Variants in SGTA observed in about 807,000 individuals in gnomAD.
The protein encoded by SGTA is small glutamine-rich tetratricopeptide repeat-containing protein alpha.
SGTA carries 22 observed loss-of-function variants against 44.3 expected under a neutral mutation model. The observed-to-expected ratio is 0.50, with a 90% CI of 0.36 to 0.71. The LOEUF (loss-of-function observed/expected upper bound fraction) is 0.71. Ranked by LOEUF, SGTA falls within the 30% of genes least tolerant of loss-of-function variation. The pLI, the probability that SGTA is intolerant of heterozygous loss-of-function variation, is 0.00. For missense variants in SGTA, 341 were observed against 435.9 expected, an observed-to-expected ratio of 0.78 and a Z score of 1.94; for synonymous variants, 174 against 177.6, an observed-to-expected ratio of 0.98 and a Z score of 0.16.
intron 1 of SGTA, among the ~76,000 whole-genome samples, chr19:2,774,463 T>G (rs1176886380): frequency 6.6e-6 from 1 of 152,002 alleles, no homozygotes. Context: ...AAACGACACT[T>G]CCTATCACGT....
rs939414754 is a variant in SGTA, at chr19:2,761,857, G to A, written c.637-335C>T. Among the ~76,000 whole-genome samples the A allele has an allele frequency of 1.4e-5, 2 of 147,400 alleles. No homozygotes were observed. The highest frequency in any genetic ancestry group is 4.0e-4 in the East Asian group (2 of 4,970). ...CCGCACAGCGCGACCGCCCGGGGAC[G>A]GCACAGTCTATCATCCCGTGTTTAT... On this transcript the variant is annotated intron_variant, in intron 7 of 11. Transcript: ENST00000221566. The surrounding 1 kb of genome is among the most constrained non-coding windows in gnomAD (Gnocchi z 5.7).
chr19:2,781,932 C>T (rs1010096096), intron 1 of SGTA, among the ~76,000 whole-genome samples: 3 of 151,500 alleles, frequency 2.0e-5, no homozygotes, highest in Non-Finnish European at 2.9e-5. Flanking sequence ...ACCTCTGCCT[C>T]CTGGGTTCAA....
Position 2,763,665 on chromosome 19 carries a change from T to C in SGTA, c.485A>G (p.Tyr162Cys). The change falls in exon 6 of 12, where the codon TAC becomes TGC. Residue 162 changes from tyrosine (Y) to cysteine (C), a missense_variant. Transcript: ENST00000221566. The surrounding 1 kb of genome is among the most constrained non-coding windows in gnomAD (Gnocchi z 5.8). The part of the protein sequence containing the change: ...ICIDPAYSKA[Y>C]GRMGLALSSL... ...GACAGGCACTCACCCCATCCTGCCG[T>C]AGGCCTTGCTGTAGGCCGGGTCAAT... is the stretch of plus-strand genomic sequence containing the variant. The C allele has an allele frequency of 6.2e-7, 1 of 1,612,744 alleles. No individual in the cohort carries two copies. The highest frequency in any genetic ancestry group is 8.5e-7 in the Non-Finnish European group (1 of 1,179,242).
chr19:2,755,728 C>T lies in SGTA; in HGVS notation c.*212G>A. 8.1e-6 allele frequency: 8 copies of T among 985,334 alleles called. No homozygotes were observed. Among genetic ancestry groups the T allele is most frequent in the Non-Finnish European group, 8.4e-6 (7 of 829,956 alleles). 61.0% of individuals were successfully genotyped at this position (985,334 alleles called of 1,614,324 possible). Reference sequence around the variant, plus strand: ...GGTCTGTGCTCAGCTTGCTGGCTCTCGTTTCAAGAAGGGTCTGGGGGCTGT... The same window carrying T: ...GGTCTGTGCTCAGCTTGCTGGCTCTTGTTTCAAGAAGGGTCTGGGGGCTGT... On this transcript the variant is annotated 3_prime_UTR_variant, in exon 12 of 12. Transcript: ENST00000221566. The surrounding 1 kb of genome is among the most constrained non-coding windows in gnomAD (Gnocchi z 5.2).
chr19:2,769,696 C>T (rs1419238998), intron 1 of SGTA, among the ~76,000 whole-genome samples: 1 of 152,124 alleles, frequency 6.6e-6, no homozygotes, highest in Non-Finnish European at 1.5e-5. Context: ...CTTGGGGACC[C>T]GTCTTGTTCC....
chr19:2,762,709 C>T, intron 6 of SGTA, 65 bp from the exon 7 acceptor site: 1 of 1,593,690 alleles, frequency 6.3e-7, no homozygotes, highest in East Asian at 2.2e-5. Flanking sequence ...CCGCCAAAGC[C>T]CTCGTCCCCG....
intron 5 of SGTA, among the ~76,000 whole-genome samples, chr19:2,764,139 C>T (rs574939732): frequency 6.6e-6 from 1 of 152,336 alleles, no homozygotes; most frequent in African/African-American, 2.4e-5. Flanking sequence ...TGGCTTACAG[C>T]GTCTGAATCG....
At chr19:2,768,188 G>C (rs1281462937) in intron 2 of SGTA, among the ~76,000 whole-genome samples, 1 of 152,124 alleles carries the variant, frequency 6.6e-6, no homozygotes, top group African/African-American at 2.4e-5. Context: ...TCTCTCTGCT[G>C]GCCCACCTGA....
Position 2,765,154 on chromosome 19 carries a change from GC to G in SGTA, c.392+31del. ...CCGGAGGACGCCCCCGCACCCGGCC[GC>G]CCCTGCCCTGGGCAGGCCCTGAGCT... On this transcript the variant is annotated intron_variant, in intron 5 of 11. Transcript: ENST00000221566. The surrounding 1 kb of genome is among the most constrained non-coding windows in gnomAD (Gnocchi z 5.5). 1 of 1,552,638 alleles carries G rather than the reference GC, an allele frequency of 6.4e-7. No homozygotes were observed.
chr19:2,771,864 C>A (rs1436110953), intron 1 of SGTA, among the ~76,000 whole-genome samples: 1 of 152,210 alleles, frequency 6.6e-6, no homozygotes, highest in Non-Finnish European at 1.5e-5. Flanking sequence ...TCTGTTCTTG[C>A]GATGAGGTTC....
At chr19:2,771,542 T>C (rs528371222) in intron 1 of SGTA, among the ~76,000 whole-genome samples, 5 of 145,950 alleles carry the variant, frequency 3.4e-5, no homozygotes, top group African/African-American at 1.3e-4. Flanking sequence ...TTTCCTCTTC[T>C]GTCCCCCATG....
chr19:2,777,063 G>C (rs1413709036), intron 1 of SGTA, among the ~76,000 whole-genome samples: 1 of 150,720 alleles, frequency 6.6e-6, no homozygotes, highest in South Asian at 2.1e-4. Context: ...AGGAGTTCGA[G>C]ACCAGCCTGA....
chr19:2,768,010 C>T (rs1454887510), intron 2 of SGTA, among the ~76,000 whole-genome samples: 1 of 152,172 alleles, frequency 6.6e-6, no homozygotes, highest in Non-Finnish European at 1.5e-5. Context: ...CTTGGCCCCA[C>T]CTGGAGGGCC....
chr19:2,768,882 C>A, intron 2 of SGTA, 87 bp downstream of exon 2: 1 of 967,270 alleles, frequency 1.0e-6, no homozygotes, highest in Non-Finnish European at 1.6e-6. Context: ...AGGCGGGGGA[C>A]CAGGCATCTA....
chr19:2,758,130 G>T (rs1185999414), intron 9 of SGTA, among the ~76,000 whole-genome samples: 1 of 152,218 alleles, frequency 6.6e-6, no homozygotes, highest in Non-Finnish European at 1.5e-5. Flanking sequence ...GTGGATGGAG[G>T]CTAGAGACAG....
chr19:2,778,690 G>T (rs552611046), intron 1 of SGTA, among the ~76,000 whole-genome samples: 2 of 152,164 alleles, frequency 1.3e-5, no homozygotes, highest in Non-Finnish European at 2.9e-5. Context: ...GTCCCAGGAG[G>T]CTGCACACAT....
intron 1 of SGTA, among the ~76,000 whole-genome samples, chr19:2,779,405 G>A (rs1915519636): frequency 6.6e-6 from 1 of 152,166 alleles, no homozygotes. Context: ...TGCTTCAACA[G>A]CCAGGCTTTC....
At chr19:2,757,560 C>T in intron 10 of SGTA, 103 bp from the exon 11 acceptor site, 1 of 1,504,952 alleles carries the variant, frequency 6.6e-7, no homozygotes, top group Non-Finnish European at 8.9e-7. Context: ...AAAGACAGGC[C>T]TGACCCCTCG....
At chr19:2,764,573 G>GT (rs143144463) in intron 5 of SGTA, among the ~76,000 whole-genome samples, 1 of 151,416 alleles carries the variant, frequency 6.6e-6, no homozygotes, top group South Asian at 2.1e-4. Context: ...AATTTTTGTG[G>GT]TTTTTTTCGG....
Sources: allele counts gnomAD v4.1 joint callset (sites outside exome capture counted in the v4.1 genomes callset), GRCh38; gene constraint gnomAD v4.1.1; non-coding constraint Gnocchi (gnomAD v3.1); transcripts MANE v1.5; gene names NCBI Gene and HGNC (gene_info 2026-07-23, HGNC 2026-07-21).